The following CLCF1 variants were observed in gnomAD, a reference collection of about 807,000 sequenced individuals.
CLCF1 encodes cardiotrophin-like cytokine factor 1.
Under a neutral mutation model 21.2 loss-of-function variants are expected in CLCF1, and 10 were observed. That is an observed-to-expected ratio of 0.47 (90% CI 0.29 to 0.80). The LOEUF (loss-of-function observed/expected upper bound fraction) is 0.80, where lower values mean the gene tolerates loss of function less well. CLCF1 is among the 30% of genes least tolerant of loss of function. The pLI, the probability that CLCF1 is intolerant of heterozygous loss-of-function variation, is 0.09. For synonymous variants in CLCF1, 115 were observed against 120.5 expected, an observed-to-expected ratio of 0.95 and a Z score of 0.30; for missense variants, 240 against 293.4, an observed-to-expected ratio of 0.82 and a Z score of 1.33.
chr11:67,367,509 T>C lies in CLCF1; in HGVS notation c.134A>G (p.Asp45Gly). Residue 45 changes from aspartate (D) to glycine (G), a missense_variant, in exon 2 of 3, where the codon GAC (aspartate) becomes GGC (glycine). By Grantham distance (94) the Asp-to-Gly change is moderately conservative. Coordinates refer to ENST00000312438, the MANE Select transcript of CLCF1 (RefSeq NM_013246.3). ...GPGPSIQKTY[D>G]LTRYLEHQLR... is the part of the protein sequence containing the mutation. ...TTGGTGCTCCAGGTAGCGGGTGAGGTCATAGGTTTTCTGGATGGAGGGGCC... is the reference window on the plus strand; with the variant it reads ...TTGGTGCTCCAGGTAGCGGGTGAGGCCATAGGTTTTCTGGATGGAGGGGCC... 6.2e-7 allele frequency: 1 copy of C among 1,614,072 alleles called. No homozygotes were observed. The highest frequency in any genetic ancestry group is 8.5e-7 in the Non-Finnish European group (1 of 1,179,986).
At position 67,372,065 on chromosome 11, in the gene CLCF1, G is replaced by T. The variant is rs972083219; in HGVS notation, c.16+1459C>A. On this transcript the variant is annotated intron_variant, in intron 1 of 2. Coordinates refer to ENST00000312438, the MANE Select transcript of CLCF1 (RefSeq NM_013246.3). This position sits in a 1 kb window ranked among gnomAD's most constrained non-coding sequence, Gnocchi z 5.9. ...TGGTCTGTTAGGGGAATATGTACTC[G>T]CATCCTGTCCGGTGTGAGGGGCAAC... is the stretch of plus-strand genomic sequence containing the variant. 6.6e-6 allele frequency among the ~76,000 whole-genome samples: 1 copy of T among 152,116 alleles called. No individual in the cohort carries two copies. The highest frequency in any genetic ancestry group is 1.5e-5 in the Non-Finnish European group (1 of 68,002).
chr11:67,367,515 G>C lies in CLCF1; in HGVS notation c.128C>G (p.Thr43Ser), dbSNP rs1565106667. Residue 43 changes from threonine (T) to serine (S), a missense_variant, in exon 2 of 3, where the codon ACC (threonine) becomes AGC (serine). Coordinates refer to ENST00000312438, the MANE Select transcript of CLCF1 (RefSeq NM_013246.3). ...DPGPGPSIQK[T>S]YDLTRYLEHQ... ...CTCCAGGTAGCGGGTGAGGTCATAG[G>C]TTTTCTGGATGGAGGGGCCAGGCCC... The C allele has an allele frequency of 6.2e-7, 1 of 1,614,126 alleles. No individual in the cohort carries two copies. The highest frequency in any genetic ancestry group is 1.3e-5 in the African/African-American group (1 of 74,936).
intron 2 of CLCF1, among the ~76,000 whole-genome samples, chr11:67,367,048 GC>G (rs1862121924): frequency 6.6e-6 from 1 of 152,168 alleles, no homozygotes; most frequent in Admixed American, 6.5e-5. Flanking sequence ...TGGGTCCAGA[GC>G]AGCAGGGCCC....
chr11:67,371,745 C>T (rs1239086019), intron 1 of CLCF1, among the ~76,000 whole-genome samples: 5 of 147,632 alleles, frequency 3.4e-5, no homozygotes, highest in East Asian at 2.0e-4. Flanking sequence ...TCAAGAGGGG[C>T]GTGGGGGGGG....
rs1266806208 is a variant in CLCF1 at position 67,365,653 on chromosome 11, G to A, written c.184-23C>T. 4 of 1,591,284 alleles carry A rather than the reference G, an allele frequency of 2.5e-6. No homozygotes were observed. The East Asian group carries it at 9.0e-5, about 36-fold the overall frequency. Reference sequence around the variant, plus strand: ...CAGCTGTGAAAAGGAGAGGGTGATGGGGAAGGAGGAGGGCAGAGCCGCTGG... The same window carrying A: ...CAGCTGTGAAAAGGAGAGGGTGATGAGGAAGGAGGAGGGCAGAGCCGCTGG... On this transcript the variant is annotated intron_variant, in intron 2 of 2. Transcript: ENST00000312438. The surrounding 1 kb of genome is among the most constrained non-coding windows in gnomAD (Gnocchi z 5.0).
chr11:67,365,022 G>T lies in CLCF1; in HGVS notation c.*114C>A. ...CACACGCCCAGCCGGTCCAGGAAAG[G>T]GCCAGAGGCTCACAGCTTCTGTCTC... On this transcript the variant is annotated 3_prime_UTR_variant, in exon 3 of 3. Transcript: ENST00000312438. This position sits in a 1 kb window ranked among gnomAD's most constrained non-coding sequence, Gnocchi z 5.0. The T allele has an allele frequency of 6.4e-7, 1 of 1,558,480 alleles. No homozygotes were observed.
chr11:67,365,096 G>A lies in CLCF1; in HGVS notation c.*40C>T. The A allele has an allele frequency of 6.2e-7, 1 of 1,612,250 alleles. No homozygotes were observed. The highest frequency in any genetic ancestry group is 8.5e-7 in the Non-Finnish European group (1 of 1,179,920). On this transcript the variant is annotated 3_prime_UTR_variant, in exon 3 of 3. Coordinates refer to ENST00000312438, the MANE Select transcript of CLCF1 (RefSeq NM_013246.3). The surrounding 1 kb of genome is among the most constrained non-coding windows in gnomAD (Gnocchi z 5.0). The stretch of plus-strand genomic sequence containing the variant: ...CAGGGCTGGCTCTCACAAAGTGGGA[G>A]CAGGGTTTGAAGGGGGAGCGAAGAG...
upstream of CLCF1, chr11:67,374,109 C>T (rs1862296257): frequency 3.0e-6 from 3 of 985,770 alleles, no homozygotes; most frequent in African/African-American, 1.7e-5. Context: ...AACCTTCCCT[C>T]CTCCTCCCCC....
chr11:67,370,535 C>T (rs1445034980), intron 1 of CLCF1: 1 of 850,832 alleles, frequency 1.2e-6, no homozygotes, highest in Non-Finnish European at 1.3e-6. Flanking sequence ...ACGTTTCCTG[C>T]AACAGCCCCC....
At chr11:67,368,649 T>G (rs1590915345) in intron 1 of CLCF1, 1 of 985,312 alleles carries the variant, frequency 1.0e-6, no homozygotes. Context: ...CTAGGTTAGG[T>G]TTAAGGACTG....
intron 1 of CLCF1, 99 bp from the exon 2 acceptor site, chr11:67,367,725 G>A (rs1337461672): frequency 1.3e-6 from 2 of 1,536,624 alleles, no homozygotes; most frequent in East Asian, 2.4e-5. Context: ...TGGGCTGGGT[G>A]GGGGGTGAGG....
intron 1 of CLCF1, chr11:67,368,460 A>C: frequency 1.0e-6 from 1 of 985,228 alleles, no homozygotes; most frequent in Non-Finnish European, 1.2e-6. Flanking sequence ...CAGAGTTTGG[A>C]CATCCCAGGA....
intron 1 of CLCF1, 137 bp from the exon 2 acceptor site, chr11:67,367,763 G>T: frequency 1.3e-6 from 2 of 1,511,098 alleles, no homozygotes; most frequent in Non-Finnish European, 1.8e-6. Context: ...AGGCAGAGGG[G>T]ATGGAGGAGG....
intron 1 of CLCF1, chr11:67,367,934 G>A (rs1243556141): frequency 2.0e-6 from 2 of 985,316 alleles, no homozygotes; most frequent in East Asian, 1.1e-4. Context: ...GTGCCAACAT[G>A]TATATGTGTG....
intron 1 of CLCF1, chr11:67,370,022 G>C (rs553492675): frequency 8.2e-5 from 81 of 985,392 alleles, no homozygotes; most frequent in Non-Finnish European, 9.8e-5. Context: ...GCGGGTGGGG[G>C]GCAGGGGAGA....
chr11:67,367,503 G>C lies in CLCF1; in HGVS notation c.140C>G (p.Thr47Ser), dbSNP rs201269564. Residue 47 changes from threonine to serine, a missense_variant, in exon 2 of 3, where the codon ACC (threonine) becomes AGC (serine). Transcript: ENST00000312438. The stretch of plus-strand genomic sequence containing the variant: ...GCGGAGTTGGTGCTCCAGGTAGCGG[G>C]TGAGGTCATAGGTTTTCTGGATGGA... The part of the protein sequence containing the change: ...GPSIQKTYDL[T>S]RYLEHQLRSL... The C allele has an allele frequency of 2.4e-5, 38 of 1,614,256 alleles. No individual in the cohort carries two copies. In the East Asian group the frequency reaches 7.8e-4, roughly 33 times the overall value.
Position 67,365,385 on chromosome 11 carries a change from C to A in CLCF1, c.429G>T (p.Leu143=), listed in dbSNP as rs754455483. The A allele has an allele frequency of 6.2e-7, 1 of 1,612,942 alleles. No homozygotes were observed. Among genetic ancestry groups the A allele is most frequent in the South Asian group, 1.1e-5 (1 of 91,024 alleles). ...LAHFCTSLQG[L]LGSIAGVMAA... ...CCATGACGCCCGCAATGCTGCCCAG[C>A]AGGCCCTGGAGGCTGGTGCAGAAGT... is the stretch of plus-strand genomic sequence containing the variant. The change falls in exon 3 of 3, where the codon CTG becomes CTT. Residue 143 remains leucine, a synonymous_variant. Coordinates refer to ENST00000312438, the MANE Select transcript of CLCF1 (RefSeq NM_013246.3). This position sits in a 1 kb window ranked among gnomAD's most constrained non-coding sequence, Gnocchi z 5.0.
In CLCF1 at chr11:67,364,934, C is replaced by T; in HGVS notation, c.*202G>A. On this transcript the variant is annotated 3_prime_UTR_variant, in exon 3 of 3. Transcript: ENST00000312438. ...TAGAAACAGGACAGGACAGGGCCTA[C>T]TGTACCTCCTCCCCAGCTCGGTAGA... 1.3e-6 allele frequency: 1 copy of T among 758,244 alleles called. No homozygotes were observed. The highest frequency in any genetic ancestry group is 2.1e-6 in the Non-Finnish European group (1 of 478,912). The allele number at this position is 758,244 out of a possible 1,614,324, so 47.0% of individuals were successfully genotyped here. A position where few individuals can be genotyped will look rare whatever the true frequency, so the allele number is the denominator to read the frequency against.
At chr11:67,367,828 T>C in intron 1 of CLCF1, 1 of 985,406 alleles carries the variant, frequency 1.0e-6, no homozygotes, top group Non-Finnish European at 1.2e-6. Context: ...TGTTTGAGGA[T>C]GAGGACTTGG....
Sources: allele counts gnomAD v4.1 joint callset (sites outside exome capture counted in the v4.1 genomes callset), GRCh38; gene constraint gnomAD v4.1.1; non-coding constraint Gnocchi (gnomAD v3.1); transcripts MANE v1.5; gene names NCBI Gene and HGNC (gene_info 2026-07-23, HGNC 2026-07-21).